Variants in ACOXL observed in about 807,000 individuals in gnomAD.
ACOXL encodes acyl-coenzyme A oxidase-like protein.
In ACOXL, 70 loss-of-function variants were observed where a neutral mutation model predicts 71.9. The observed-to-expected ratio is 0.97, with a 90% CI of 0.80 to 1.19. ACOXL has a LOEUF of 1.19. Ranked by LOEUF, ACOXL falls within the 50% of genes most tolerant of loss-of-function variation. The pLI is 0.00. For missense variants in ACOXL, 703 were observed against 736.3 expected, an observed-to-expected ratio of 0.95 and a Z score of 0.52; for synonymous variants, 253 against 281.6, an observed-to-expected ratio of 0.90 and a Z score of 1.02.
intron 1 of ACOXL, among the ~76,000 whole-genome samples, chr2:110,757,386 A>C (rs936923549): frequency 4.6e-5 from 7 of 152,130 alleles, no homozygotes; most frequent in African/African-American, 1.7e-4. Flanking sequence ...TTTATAATAG[A>C]ATGATTTATA....
chr2:110,917,363 C>T (rs2059902464), intron 11 of ACOXL, among the ~76,000 whole-genome samples: 1 of 152,170 alleles, frequency 6.6e-6, no homozygotes, highest in African/African-American at 2.4e-5. Flanking sequence ...CCCCTACATG[C>T]TAAATACTCT....
intron 9 of ACOXL, among the ~76,000 whole-genome samples, chr2:110,838,904 G>GC (rs1444246353): frequency 6.6e-6 from 1 of 152,242 alleles, no homozygotes; most frequent in Non-Finnish European, 1.5e-5. Flanking sequence ...CCTGCCAGGA[G>GC]CCCTGGCTGC....
At chr2:110,882,246 C>T (rs535861584) in intron 10 of ACOXL, among the ~76,000 whole-genome samples, 9 of 152,230 alleles carry the variant, frequency 5.9e-5, no homozygotes, top group East Asian at 1.9e-4. Context: ...TATTTGCCTA[C>T]GCTTGTTTGC....
intron 12 of ACOXL, among the ~76,000 whole-genome samples, chr2:110,976,625 G>A (rs905552070): frequency 2.6e-5 from 4 of 152,206 alleles, no homozygotes; most frequent in Admixed American, 6.5e-5. Context: ...GCTAACCCAA[G>A]TGGAGTATGT....
chr2:110,796,665 T>C (rs1334164433), intron 5 of ACOXL, among the ~76,000 whole-genome samples: 1 of 152,176 alleles, frequency 6.6e-6, no homozygotes, highest in Non-Finnish European at 1.5e-5. Flanking sequence ...GGGTTGTATT[T>C]TTGTTGCTGT....
chr2:110,733,316 A>T (rs1676423764), intron 1 of ACOXL, among the ~76,000 whole-genome samples: 1 of 151,140 alleles, frequency 6.6e-6, no homozygotes, highest in South Asian at 2.1e-4. Flanking sequence ...CGGTTTGGTT[A>T]TAAGAAGAAC....
At chr2:110,988,857 TTGTG>T (rs70958753) in intron 13 of ACOXL, among the ~76,000 whole-genome samples, 37,334 of 143,340 alleles carry the variant, frequency 0.26, 4,946 homozygotes, top group Middle Eastern at 0.3. Context: ...CCTATTTTTA[TTGTG>T]TGTGTGTGTG....
At chr2:110,776,731 A>AT (rs1261419240) in intron 2 of ACOXL, among the ~76,000 whole-genome samples, 2 of 152,014 alleles carry the variant, frequency 1.3e-5, no homozygotes, top group East Asian at 3.9e-4. Flanking sequence ...GAAGGGCCTT[A>AT]TGAGGCATTT....
intron 10 of ACOXL, among the ~76,000 whole-genome samples, chr2:110,849,200 CGGCATCCCTGTTCCCTCCACAAGT>C (rs1326614019): frequency 3.5e-4 from 53 of 152,310 alleles, no homozygotes; most frequent in African/African-American, 1.3e-3. Context: ...GAAAGGCAGG[CGGCATCCCTGTTCCCTCCACAAGT>C]GCCCCTCTAT....
intron 12 of ACOXL, chr2:110,968,029 T>G (rs1360073095): frequency 1.9e-6 from 2 of 1,068,918 alleles, no homozygotes; most frequent in East Asian, 2.3e-5. Flanking sequence ...TCAGATTGCT[T>G]ATGCCCGTAT....
chr2:110,794,021 A>C (rs762262363), intron 4 of ACOXL, 55 bp from the exon 5 acceptor site: 28 of 1,569,094 alleles, frequency 1.8e-5, no homozygotes, highest in Non-Finnish European at 2.3e-5. Context: ...AGGGGTCTGC[A>C]TTTGGAGCAA....
chr2:111,109,444 A>AT (rs5833388), intron 17 of ACOXL, among the ~76,000 whole-genome samples: 1 of 150,586 alleles, frequency 6.6e-6, no homozygotes. Context: ...TGGCCTGTTC[A>AT]TTTTTTTTTC....
intron 14 of ACOXL, 128 bp downstream of exon 14, chr2:110,996,132 G>A (rs2063387226): frequency 8.2e-6 from 6 of 727,868 alleles, no homozygotes; most frequent in Non-Finnish European, 1.4e-5. Flanking sequence ...AGCGGCTAGA[G>A]TTCCTACGGG....
rs201334329 is a variant in ACOXL, at chr2:111,074,673, C to T, written c.1441-18192C>T. Among the ~76,000 whole-genome samples, 3 of 152,112 alleles carry T rather than the reference C, an allele frequency of 2.0e-5. No individual in the cohort carries two copies. In the East Asian group the frequency reaches 5.8e-4, roughly 29 times the overall value. On this transcript the variant is annotated intron_variant, in intron 16 of 17. Transcript: ENST00000439055. ...GCAGTGGTGCCATCACAGCTCACTGCAGCCTTGACCTCCTGGGCTCAAGTC... is the reference window on the plus strand; with the variant it reads ...GCAGTGGTGCCATCACAGCTCACTGTAGCCTTGACCTCCTGGGCTCAAGTC...
intron 11 of ACOXL, among the ~76,000 whole-genome samples, chr2:110,921,550 C>T (rs1178128741): frequency 1.3e-5 from 2 of 151,990 alleles, no homozygotes; most frequent in Admixed American, 6.6e-5. Flanking sequence ...CCTGCCACCA[C>T]GTCCGGCTAA....
chr2:111,108,264 T>C (rs546788135), intron 17 of ACOXL, among the ~76,000 whole-genome samples: 1 of 152,116 alleles, frequency 6.6e-6, no homozygotes, highest in East Asian at 1.9e-4. Flanking sequence ...ACAAAAGAGA[T>C]AAGTTGGCAA....
chr2:111,050,932 C>T (rs1026309446), intron 16 of ACOXL, among the ~76,000 whole-genome samples: 3 of 152,174 alleles, frequency 2.0e-5, no homozygotes, highest in Non-Finnish European at 4.4e-5. Flanking sequence ...GCTTCTCTAG[C>T]ACATTCGGTT....
At chr2:110,941,247 T>A (rs1021871742) in intron 12 of ACOXL, among the ~76,000 whole-genome samples, 1 of 152,314 alleles carries the variant, frequency 6.6e-6, no homozygotes, top group South Asian at 2.1e-4. Flanking sequence ...CACTGTACAC[T>A]GTGCATGGAA....
chr2:111,049,697 G>A (rs1311183533), intron 16 of ACOXL, among the ~76,000 whole-genome samples: 1 of 152,080 alleles, frequency 6.6e-6, no homozygotes, highest in Non-Finnish European at 1.5e-5. Flanking sequence ...GGCACCTTAA[G>A]GAATGCTACA....
Sources: gnomAD v4.1 joint callset for allele counts (sites outside exome capture counted in the v4.1 genomes callset) on GRCh38, gnomAD v4.1.1 for gene constraint, MANE v1.5 for transcripts, NCBI Gene and HGNC (gene_info 2026-07-23, HGNC 2026-07-21) for gene names.